The following STXBP6 variants were observed in gnomAD, a reference collection of about 807,000 sequenced individuals.
STXBP6 encodes the protein syntaxin binding protein 6.
A neutral mutation model predicts 26.9 loss-of-function variants in STXBP6; 21 were observed. The observed-to-expected ratio is 0.78, with a 90% confidence interval of 0.55 to 1.12. The LOEUF (loss-of-function observed/expected upper bound fraction) is 1.12. Ranked by LOEUF, STXBP6 falls within the 50% of genes most tolerant of loss-of-function variation. STXBP6 has a pLI of 0.00. For missense variants in STXBP6, 232 were observed against 257.9 expected (o/e 0.90, Z 0.69); for synonymous variants, 97 against 92.6 (o/e 1.05, Z -0.27).
intron 2 of STXBP6, among the ~76,000 whole-genome samples, chr14:24,917,129 C>T (rs2071796008): frequency 1.3e-5 from 2 of 151,978 alleles, no homozygotes; most frequent in Admixed American, 1.3e-4. Context: ...GTACACATTT[C>T]TAGGGGACTA....
At chr14:25,043,904 C>T (rs1027448380) in intron 1 of STXBP6, among the ~76,000 whole-genome samples, 1 of 152,066 alleles carries the variant, frequency 6.6e-6, no homozygotes, top group Non-Finnish European at 1.5e-5. Context: ...GCTGGCCAGG[C>T]GCAGTGGCTC....
At chr14:24,883,262 T>C (rs1958354) in intron 2 of STXBP6, among the ~76,000 whole-genome samples, 2 of 151,574 alleles carry the variant, frequency 1.3e-5, no homozygotes, top group South Asian at 2.1e-4. Flanking sequence ...TGTTTTTTTT[T>C]AAAAAATACA....
intron 2 of STXBP6, among the ~76,000 whole-genome samples, chr14:24,928,646 G>A (rs574978283): frequency 4.4e-4 from 67 of 152,204 alleles, no homozygotes; most frequent in African/African-American, 1.5e-3. Flanking sequence ...GAAACACAGA[G>A]CCGAAATCAT....
chr14:25,009,152 A>G (rs1184503464), intron 1 of STXBP6, among the ~76,000 whole-genome samples: 1 of 152,244 alleles, frequency 6.6e-6, no homozygotes, highest in East Asian at 1.9e-4. Flanking sequence ...GAATGGTCTC[A>G]TTCAACTATC....
chr14:24,918,524 A>T (rs184274030), intron 2 of STXBP6, among the ~76,000 whole-genome samples: 1 of 149,058 alleles, frequency 6.7e-6, no homozygotes, highest in East Asian at 2.0e-4. Context: ...TGTCTAAACA[A>T]CTAAATCTTG....
intron 2 of STXBP6, among the ~76,000 whole-genome samples, chr14:24,907,543 G>C (rs965805327): frequency 3.3e-5 from 5 of 152,072 alleles, no homozygotes; most frequent in Non-Finnish European, 7.4e-5. Flanking sequence ...CCATGAGAGA[G>C]TCTTTGAATT....
intron 2 of STXBP6, among the ~76,000 whole-genome samples, chr14:24,916,533 T>C (rs2071773810): frequency 6.6e-6 from 1 of 152,148 alleles, no homozygotes; most frequent in African/African-American, 2.4e-5. Flanking sequence ...CTCTATCTGA[T>C]TGCAGCTACT....
chr14:24,813,465 T>C (rs1285342365), intron 5 of STXBP6, among the ~76,000 whole-genome samples: 1 of 152,220 alleles, frequency 6.6e-6, no homozygotes, highest in Non-Finnish European at 1.5e-5. Context: ...TCACTTTTCT[T>C]AGCCAGATCT....
intron 2 of STXBP6, among the ~76,000 whole-genome samples, chr14:24,866,038 C>T (rs1306969549): frequency 6.6e-6 from 1 of 151,966 alleles, no homozygotes; most frequent in African/African-American, 2.4e-5. Context: ...GGTATGTAGT[C>T]GAACATTATT....
chr14:24,873,091 C>A (rs910643397), intron 2 of STXBP6, among the ~76,000 whole-genome samples: 1 of 152,022 alleles, frequency 6.6e-6, no homozygotes, highest in Non-Finnish European at 1.5e-5. Context: ...TATTTTCACC[C>A]TACAGGTAAC....
chr14:25,021,480 G>A (rs2075262654), intron 1 of STXBP6, among the ~76,000 whole-genome samples: 1 of 152,126 alleles, frequency 6.6e-6, no homozygotes, highest in Non-Finnish European at 1.5e-5. Flanking sequence ...AGAATAGGGT[G>A]TCTTCATTTT....
intron 2 of STXBP6, among the ~76,000 whole-genome samples, chr14:24,857,474 T>C (rs2069380139): frequency 6.6e-6 from 1 of 152,028 alleles, no homozygotes; most frequent in Non-Finnish European, 1.5e-5. Flanking sequence ...ATGGAGGCTA[T>C]AAGTGCACAA....
intron 2 of STXBP6, among the ~76,000 whole-genome samples, chr14:24,908,652 T>TC (rs138835078): frequency 0.14 from 21,445 of 152,190 alleles, 1,628 homozygotes; most frequent in East Asian, 0.25. Flanking sequence ...TCTCAGGTCT[T>TC]CCTCCACAAA....
chr14:25,028,102 C>T (rs111931631), intron 1 of STXBP6, among the ~76,000 whole-genome samples: 5,799 of 152,294 alleles, frequency 0.038, 406 homozygotes, highest in African/African-American at 0.13. Context: ...GTAGAAGCTG[C>T]AGCAAGTTAT....
chr14:25,025,565 G>T (rs981077790), intron 1 of STXBP6, among the ~76,000 whole-genome samples: 1 of 152,180 alleles, frequency 6.6e-6, no homozygotes, highest in African/African-American at 2.4e-5. Context: ...AGAATTAAGA[G>T]ACCTGATGCA....
At chr14:24,975,270 C>A (rs2074016030) in intron 1 of STXBP6, among the ~76,000 whole-genome samples, 1 of 152,132 alleles carries the variant, frequency 6.6e-6, no homozygotes. Flanking sequence ...ATTCTTTATG[C>A]CCCTTCAAAA....
chr14:24,848,105 T>C (rs974314443), intron 4 of STXBP6, among the ~76,000 whole-genome samples: 14 of 152,182 alleles, frequency 9.2e-5, no homozygotes, highest in Admixed American at 7.9e-4. Flanking sequence ...TTGATAAATA[T>C]GCTGGGAGAA....
intron 2 of STXBP6, among the ~76,000 whole-genome samples, chr14:24,867,793 T>C (rs1229194744): frequency 6.6e-6 from 1 of 152,164 alleles, no homozygotes; most frequent in African/African-American, 2.4e-5. Flanking sequence ...AAAAGCACAA[T>C]TTATGAAATA....
At chr14:24,898,387 G>A (rs1452490842) in intron 2 of STXBP6, among the ~76,000 whole-genome samples, 4 of 152,244 alleles carry the variant, frequency 2.6e-5, no homozygotes, top group East Asian at 1.9e-4. Context: ...GTATTGAAAC[G>A]GGAAGGGATG....
Sources: allele counts gnomAD v4.1 joint callset (sites outside exome capture counted in the v4.1 genomes callset), GRCh38; gene constraint gnomAD v4.1.1; transcripts MANE v1.5; gene names NCBI Gene and HGNC (gene_info 2026-07-23, HGNC 2026-07-21).